The following BOC variants were observed in gnomAD, a reference collection of about 807,000 sequenced individuals.
The protein encoded by BOC is BOC cell adhesion associated, oncogene regulated, also known as brother of CDO.
In BOC, 76 loss-of-function variants were observed where a neutral mutation model predicts 112.0. The ratio of observed to expected loss-of-function variants is 0.68; its 90% CI spans 0.56 to 0.82. The LOEUF is 0.82. BOC is among the 40% of genes least tolerant of loss of function. The probability of loss-of-function intolerance (pLI) is 0.00; values close to 1 mark genes in which losing one functional copy is unlikely to be tolerated. For synonymous variants in BOC, 580 were observed against 599.8 expected (o/e 0.97, Z 0.48); for missense variants, 1,309 against 1,511.7 (o/e 0.87, Z 2.22).
intron 2 of BOC, among the ~76,000 whole-genome samples, chr3:113,236,999 C>T (rs550671796): frequency 3.3e-4 from 50 of 152,326 alleles, no homozygotes; most frequent in Non-Finnish European, 5.9e-5. Flanking sequence ...TCAAGGTGAT[C>T]TTCTGTGAAG....
Position 113,260,721 on chromosome 3 carries a change from A to ACAGAAAGAAC in BOC, c.377-7578_377-7577insCAGAAAGAAC, listed in dbSNP as rs1553737946. 9.8e-5 allele frequency among the ~76,000 whole-genome samples: 9 copies of ACAGAAAGAAC among 92,260 alleles called. No homozygotes were observed. The South Asian group carries it at 1.1e-3, about 12-fold the overall frequency. 60.5% of individuals were successfully genotyped at this position (92,260 alleles called of 152,430 possible). A position where few individuals can be genotyped will look rare whatever the true frequency, so the allele number is the denominator to read the frequency against. On this transcript the variant is annotated intron_variant, in intron 4 of 19. Coordinates refer to ENST00000682979, the MANE Select transcript of BOC (RefSeq NM_001378074.1). The stretch of plus-strand genomic sequence containing the variant: ...ACAGAACAGAACAGAACAGAACAGA[A>ACAGAAAGAAC]AGAACAGAACAGAACAGAACAGAAC...
intron 4 of BOC, among the ~76,000 whole-genome samples, chr3:113,255,142 C>T (rs1233113895): frequency 1.3e-5 from 2 of 152,168 alleles, no homozygotes; most frequent in African/African-American, 4.8e-5. Context: ...CTGCCAATGC[C>T]CTGCTTCAGA....
In BOC at chr3:113,273,067, A is replaced by AGGTTT. The variant is rs762819686; in HGVS notation, c.962-1_962insGTTTG. The AGGTTT allele has an allele frequency of 6.3e-7, 1 of 1,591,552 alleles. No homozygotes were observed. The highest frequency in any genetic ancestry group is 8.6e-7 in the Non-Finnish European group (1 of 1,162,006). Reference sequence around the variant, plus strand: ...TCTCACCCTGCTCTGGTTTCCTGGCAGAACCCCCTGAGGTCACCATGGAGC... The same window carrying AGGTTT: ...TCTCACCCTGCTCTGGTTTCCTGGCAGGTTTGAACCCCCTGAGGTCACCATGGAGC... On this transcript the variant is annotated splice_acceptor_variant, in intron 7 of 19. Coordinates refer to ENST00000682979, the MANE Select transcript of BOC (RefSeq NM_001378074.1). LOFTEE classifies it high-confidence loss of function.
intron 5 of BOC, 160 bp from the exon 6 acceptor site, chr3:113,270,641 C>T (rs1430057219): frequency 1.6e-5 from 12 of 768,422 alleles, no homozygotes; most frequent in Middle Eastern, 3.6e-4. Flanking sequence ...ATGGGGAGAA[C>T]GGCATCTTAG....
chr3:113,283,186 C>T (rs556730748), intron 15 of BOC, among the ~76,000 whole-genome samples: 93 of 152,340 alleles, frequency 6.1e-4, no homozygotes, highest in African/African-American at 1.9e-3. Flanking sequence ...TCTCGCTCTG[C>T]TTTGAAATAT....
In BOC at chr3:113,283,581, A is replaced by G. The variant is rs749200746; in HGVS notation, c.2605A>G (p.Ile869Val). Residue 869 changes from isoleucine (I) to valine (V), a missense_variant, in exon 16 of 20, where the codon ATC becomes GTC. Transcript: ENST00000682979. ...GGTCGTCCTGGGCTCCATCGTTCTC[A>G]TCATCGTCACCTTCATCCCCTTCTG... The part of the protein sequence containing the change: ...VGVVLGSIVL[I>V]IVTFIPFCLW... 3.1e-6 allele frequency: 5 copies of G among 1,613,452 alleles called. No individual in the cohort carries two copies. The highest frequency in any genetic ancestry group is 2.7e-5 in the African/African-American group (2 of 74,702).
At chr3:113,258,372 C>T (rs1235251553) in intron 4 of BOC, among the ~76,000 whole-genome samples, 1 of 152,142 alleles carries the variant, frequency 6.6e-6, no homozygotes, top group African/African-American at 2.4e-5. Flanking sequence ...CTCTCTCCAT[C>T]CTGTTCCCCG....
At chr3:113,268,742 G>T (rs1469729487) in intron 5 of BOC, among the ~76,000 whole-genome samples, 2 of 152,068 alleles carry the variant, frequency 1.3e-5, no homozygotes, top group Non-Finnish European at 1.5e-5. Flanking sequence ...GAGTAGCTAG[G>T]ACTACAGGCA....
intron 2 of BOC, among the ~76,000 whole-genome samples, chr3:113,248,053 C>T (rs1363727295): frequency 6.6e-6 from 1 of 152,082 alleles, no homozygotes; most frequent in African/African-American, 2.4e-5. Flanking sequence ...AAATACAAAC[C>T]ATCGGGAAAG....
chr3:113,264,031 C>T lies in BOC; in HGVS notation c.377-4268C>T, dbSNP rs772443709. On this transcript the variant is annotated intron_variant, in intron 4 of 19. Coordinates refer to ENST00000682979, the MANE Select transcript of BOC (RefSeq NM_001378074.1). ...TACAGAAGTGATGTATCAGAGTGTA[C>T]GTATTCCCTTTGGAAACTGAGCTCC... Among the ~76,000 whole-genome samples the T allele has an allele frequency of 5.3e-5, 8 of 152,260 alleles. No homozygotes were observed. The South Asian group carries it at 1.2e-3, about 24-fold the overall frequency.
chr3:113,231,783 C>T (rs1122382), intron 2 of BOC, among the ~76,000 whole-genome samples: 58,466 of 152,044 alleles, frequency 0.38, 12,600 homozygotes, highest in East Asian at 0.67. Context: ...CACTACATCC[C>T]CACCCCTCTG....
intron 3 of BOC, 74 bp from the exon 4 acceptor site, chr3:113,250,481 G>T (rs1005763355): frequency 2.0e-6 from 3 of 1,517,846 alleles, no homozygotes; most frequent in African/African-American, 2.8e-5. Flanking sequence ...CTTCCTGGGT[G>T]CAGTGCTTCT....
intron 19 of BOC, 38 bp downstream of exon 19, chr3:113,285,603 T>TG (rs1334095514): frequency 6.7e-7 from 1 of 1,503,468 alleles, no homozygotes; most frequent in African/African-American, 1.4e-5. Flanking sequence ...TTAAACAGGC[T>TG]GGGGGTGACA....
intron 4 of BOC, 138 bp downstream of exon 4, chr3:113,250,971 C>T: frequency 9.0e-7 from 1 of 1,108,302 alleles, no homozygotes; most frequent in Non-Finnish European, 1.3e-6. Flanking sequence ...CAAATCAGAA[C>T]AGTAGCTGCC....
At chr3:113,285,237 G>T in intron 18 of BOC, 135 bp from the exon 19 acceptor site, 2 of 751,590 alleles carry the variant, frequency 2.7e-6, no homozygotes, top group East Asian at 2.6e-5. Context: ...ATGTTCAAAG[G>T]GGAGAGCAGT....
At chr3:113,227,990 C>A (rs946498572) in intron 2 of BOC, among the ~76,000 whole-genome samples, 6 of 152,080 alleles carry the variant, frequency 3.9e-5, no homozygotes, top group African/African-American at 1.4e-4. Context: ...GCTTTTCTAC[C>A]ACCTTCCAAC....
chr3:113,220,087 C>T (rs1400721721), intron 2 of BOC, among the ~76,000 whole-genome samples: 1 of 152,064 alleles, frequency 6.6e-6, no homozygotes, highest in African/African-American at 2.4e-5. Flanking sequence ...GGAGAAGTGG[C>T]AGCTTGTACA....
At chr3:113,273,027 G>C in intron 7 of BOC, 42 bp from the exon 8 acceptor site, 1 of 1,567,272 alleles carries the variant, frequency 6.4e-7, no homozygotes, top group South Asian at 1.2e-5. Flanking sequence ...CCCTGGGACA[G>C]AAAGACACAG....
chr3:113,269,615 A>G (rs995257903), intron 5 of BOC: 2 of 152,184 alleles, frequency 1.3e-5, no homozygotes, highest in African/African-American at 2.4e-5. Flanking sequence ...TGAAAGGAAC[A>G]TATGTTCATT....
Sources: gnomAD v4.1 joint callset for allele counts (sites outside exome capture counted in the v4.1 genomes callset) on GRCh38, gnomAD v4.1.1 for gene constraint, MANE v1.5 for transcripts, NCBI Gene and HGNC (gene_info 2026-07-23, HGNC 2026-07-21) for gene names.